Variants in CSF2RA observed in about 807,000 individuals in gnomAD.
The protein encoded by CSF2RA is colony stimulating factor 2 receptor subunit alpha, also known as granulocyte-macrophage colony-stimulating factor receptor subunit alpha.
In CSF2RA, 42 loss-of-function variants were observed where a neutral mutation model predicts 51.6. That is an observed-to-expected ratio of 0.81 (90% CI 0.64 to 1.05). The LOEUF (loss-of-function observed/expected upper bound fraction) is 1.05, where lower values mean the gene tolerates loss of function less well. Ranked by LOEUF, CSF2RA falls within the 50% of genes least tolerant of loss-of-function variation. The pLI, the probability that CSF2RA is intolerant of heterozygous loss-of-function variation, is 0.00. For missense variants in CSF2RA, 530 were observed against 501.1 expected (o/e 1.06, Z -0.55); for synonymous variants, 222 against 193.0 (o/e 1.15, Z -1.24).
chrX:1,290,459 G>T lies in CSF2RA; in HGVS notation c.596G>T (p.Arg199Leu). Residue 199 changes from arginine (R) to leucine (L), a missense_variant, in exon 7 of 13, where the codon CGA (arginine) becomes CTA (leucine). By Grantham distance (102) the Arg-to-Leu change is moderately radical (BLOSUM62 -2). Coordinates refer to ENST00000381529, the MANE Select transcript of CSF2RA (RefSeq NM_172245.4). The stretch of plus-strand genomic sequence containing the variant: ...TACTTTCTGGTTAACGGAACCAGCC[G>T]AGAAATTGGCATCCAATTCTTTGAT... ...RNYFLVNGTS[R>L]EIGIQFFDSL... The T allele has an allele frequency of 1.2e-6, 2 of 1,613,864 alleles. No homozygotes were observed. Among genetic ancestry groups the T allele is most frequent in the Non-Finnish European group, 1.7e-6 (2 of 1,179,830 alleles).
chrX:1,274,481 C>T lies in CSF2RA; in HGVS notation c.-90-274C>T, dbSNP rs1215601413. ...CTGGGATTATAGGCACCCACTACCG[C>T]GCCCAGCTAATTTTTGTATTTTTAG... On this transcript the variant is annotated intron_variant, in intron 1 of 12. Coordinates refer to ENST00000381529, the MANE Select transcript of CSF2RA (RefSeq NM_172245.4). Among the ~76,000 whole-genome samples, 6 of 96,810 alleles carry T rather than the reference C, an allele frequency of 6.2e-5. No homozygotes were observed. In the South Asian group the frequency reaches 1.6e-3, roughly 25 times the overall value. 63.5% of individuals were successfully genotyped at this position (96,810 alleles called of 152,430 possible).
intron 2 of CSF2RA, among the ~76,000 whole-genome samples, chrX:1,277,844 G>A (rs1434394792): frequency 1.3e-5 from 2 of 150,032 alleles, no homozygotes; most frequent in Non-Finnish European, 3.0e-5. Context: ...AGGCATGGTG[G>A]TGCGTGCCTG....
At chrX:1,289,673 TTTGTG>T (rs2091155462) in intron 6 of CSF2RA, among the ~76,000 whole-genome samples, 1 of 150,444 alleles carries the variant, frequency 6.6e-6, no homozygotes, top group Non-Finnish European at 1.5e-5. Flanking sequence ...TGGTTTTTGT[TTTGTG>T]TTGTGTTTGT....
downstream of CSF2RA, among the ~76,000 whole-genome samples, chrX:1,314,528 C>G (rs865918261): frequency 1.9e-3 from 161 of 86,372 alleles, 4 homozygotes; most frequent in African/African-American, 6.0e-3. Flanking sequence ...CTGCCCAATC[C>G]CACTGCACCT....
Position 1,305,524 on chromosome X carries a change from C to T in CSF2RA, c.1122C>T (p.Asp374=), listed in dbSNP as rs142692844. 8.1e-5 allele frequency: 130 copies of T among 1,613,810 alleles called. No homozygotes were observed. In the African/African-American group the frequency reaches 1.4e-3, roughly 17 times the overall value. The change falls in exon 12 of 13, where the codon GAC becomes GAT. Residue 374 remains aspartate (D), a synonymous_variant. Coordinates refer to ENST00000381529, the MANE Select transcript of CSF2RA (RefSeq NM_172245.4). The part of the protein sequence containing the change: ...DKLNDNHEVE[D]EIIWEEFTPE... Reference sequence around the variant, plus strand: ...TGAATGATAACCATGAGGTGGAAGACGAGGTAGGCAGGGGTGGGCGGAGCA... The same window carrying T: ...TGAATGATAACCATGAGGTGGAAGATGAGGTAGGCAGGGGTGGGCGGAGCA...
rs36125646 is a variant in CSF2RA, at chrX:1,288,903, CAT to C, written c.473+16_473+17del. ...CGAAACTCAAAGTAAGTGTTCACCT[CAT>C]GTGAAGAATTATGAGGAATGCAGGG... is the stretch of plus-strand genomic sequence containing the variant. On this transcript the variant is annotated intron_variant, in intron 6 of 12. Coordinates refer to ENST00000381529, the MANE Select transcript of CSF2RA (RefSeq NM_172245.4). 0.56 allele frequency: 905,998 copies of C among 1,612,470 alleles called. 261,497 individuals are homozygous for C. Among genetic ancestry groups the C allele is most frequent in the Admixed American group, 0.63 (37,631 of 59,948 alleles).
chrX:1,314,954 C>CCCAACCCCACTGCAT (rs2084495957), downstream of CSF2RA, among the ~76,000 whole-genome samples: 2 of 104,704 alleles, frequency 1.9e-5, no homozygotes, highest in African/African-American at 7.2e-5. Context: ...CCCCTCTGTG[C>CCCAACCCCACTGCAT]CTGCCCAACC....
At chrX:1,307,075 C>T (rs1293310898) in intron 12 of CSF2RA, among the ~76,000 whole-genome samples, 1 of 151,894 alleles carries the variant, frequency 6.6e-6, no homozygotes, top group African/African-American at 2.4e-5. Context: ...CCCTGAGACC[C>T]CATTGGCGCT....
At position 1,299,808 on chromosome X, in the gene CSF2RA, C is replaced by T. The variant is rs192825398; in HGVS notation, c.811-683C>T. On this transcript the variant is annotated intron_variant, in intron 9 of 12. Coordinates refer to ENST00000381529, the MANE Select transcript of CSF2RA (RefSeq NM_172245.4). ...TGGCGGGCGCCTGTAATCCCAGCTA[C>T]GTGGGAGGCTGAGGCAGGAGAATGG... Among the ~76,000 whole-genome samples, 1,154 of 151,942 alleles carry T rather than the reference C, an allele frequency of 7.6e-3. 17 individuals are homozygous for T. Among genetic ancestry groups the T allele is most frequent in the African/African-American group, 0.026 (1,076 of 41,450 alleles).
At chrX:1,288,074 T>C (rs1288877517) in intron 4 of CSF2RA, among the ~76,000 whole-genome samples, 11 of 151,874 alleles carry the variant, frequency 7.2e-5, no homozygotes, top group Non-Finnish European at 1.5e-4. Context: ...GAGTATAAGA[T>C]TGAGTTTTCA....
Position 1,288,546 on chromosome X carries a change from T to C in CSF2RA, c.247T>C (p.Phe83Leu), listed in dbSNP as rs778658298. ...CAGTAACAACGAATGTTCGTGCACA[T>C]TTCGTGAAATTTGTCTGCATGAAGG... ...RLSNNECSCT[F>L]REICLHEGVT... is the part of the protein sequence containing the mutation. The change falls in exon 5 of 13, where the codon TTT (phenylalanine) becomes CTT (leucine). Residue 83 changes from phenylalanine (F) to leucine (L), a missense_variant. Coordinates refer to ENST00000381529, the MANE Select transcript of CSF2RA (RefSeq NM_172245.4). 6.2e-7 allele frequency: 1 copy of C among 1,613,940 alleles called. No individual in the cohort carries two copies. The highest frequency in any genetic ancestry group is 8.5e-7 in the Non-Finnish European group (1 of 1,179,852).
intron 7 of CSF2RA, among the ~76,000 whole-genome samples, chrX:1,292,950 G>C (rs1254660987): frequency 6.6e-6 from 1 of 152,062 alleles, no homozygotes; most frequent in African/African-American, 2.4e-5. Context: ...GGCTCTCTCG[G>C]GCAGAGGTCC....
At chrX:1,319,577 C>G in the CSF2RA span, among the ~76,000 whole-genome samples, 1 of 149,720 alleles carries the variant, frequency 6.7e-6, no homozygotes, top group Non-Finnish European at 1.5e-5. Context: ...CATGAGCCAC[C>G]ATGCCTAGCC....
At chrX:1,297,507 C>T (rs2092041492) in intron 9 of CSF2RA, among the ~76,000 whole-genome samples, 1 of 34,908 alleles carries the variant, frequency 2.9e-5, no homozygotes, top group Non-Finnish European at 6.1e-5. Flanking sequence ...CAGTCCCCTA[C>T]TCACGACCCC....
At chrX:1,292,419 A>G (rs1453736739) in intron 7 of CSF2RA, among the ~76,000 whole-genome samples, 5 of 152,144 alleles carry the variant, frequency 3.3e-5, no homozygotes, top group Non-Finnish European at 7.4e-5. Context: ...CGCTCAGCAT[A>G]CGGAGGACCT....
At chrX:1,304,066 C>A (rs779230985) in intron 11 of CSF2RA, 47 bp downstream of exon 11, 4 of 1,481,822 alleles carry the variant, frequency 2.7e-6, no homozygotes, top group Non-Finnish European at 3.8e-6. Flanking sequence ...CAGGCCAGGC[C>A]GGGAGGAAAG....
downstream of CSF2RA, among the ~76,000 whole-genome samples, chrX:1,311,173 C>T (rs1430764185): frequency 3.3e-5 from 5 of 151,534 alleles, no homozygotes; most frequent in Non-Finnish European, 4.4e-5. Flanking sequence ...TGCTTGAACC[C>T]GGGAGGCGGA....
At chrX:1,290,621 T>A in intron 7 of CSF2RA, 112 bp downstream of exon 7, 1 of 1,117,102 alleles carries the variant, frequency 9.0e-7, no homozygotes. Context: ...TCTCAGCACT[T>A]TGGGAGGCCG....
At chrX:1,317,569 TTTTA>T in the CSF2RA span, among the ~76,000 whole-genome samples, 596 of 93,414 alleles carry the variant, frequency 6.4e-3, 9 homozygotes, top group African/African-American at 0.037. Flanking sequence ...TTTTATTTTA[TTTTA>T]TTTTTTTTTT....
Sources: gnomAD v4.1 joint callset for allele counts (sites outside exome capture counted in the v4.1 genomes callset) on GRCh38, gnomAD v4.1.1 for gene constraint, MANE v1.5 for transcripts, NCBI Gene and HGNC (gene_info 2026-07-23, HGNC 2026-07-21) for gene names.